Variants in ARFGEF1 observed in about 807,000 individuals in gnomAD.
ARFGEF1 encodes the protein brefeldin A-inhibited guanine nucleotide-exchange protein 1.
A neutral mutation model predicts 231.0 loss-of-function variants in ARFGEF1; 42 were observed. The ratio of observed to expected loss-of-function variants is 0.18; its 90% confidence interval spans 0.14 to 0.24. The LOEUF (loss-of-function observed/expected upper bound fraction) is 0.24, where lower values mean the gene tolerates loss of function less well. Ranked by LOEUF, ARFGEF1 falls within the 10% of genes least tolerant of loss-of-function variation. The probability of loss-of-function intolerance (pLI) is 1.00; values close to 1 mark genes in which losing one functional copy is unlikely to be tolerated. For synonymous variants in ARFGEF1, 710 were observed against 732.3 expected (o/e 0.97, Z 0.49); for missense variants, 1,345 against 2,192.0 (o/e 0.61, Z 7.72).
intron 1 of ARFGEF1, among the ~76,000 whole-genome samples, chr8:67,326,899 T>C (rs1807858583): frequency 6.6e-6 from 1 of 152,190 alleles, no homozygotes; most frequent in Non-Finnish European, 1.5e-5. Context: ...AGTTATTCTT[T>C]CATTTTGAGA....
At chr8:67,194,699 A>AAAG (rs201810184), downstream of ARFGEF1, among the ~76,000 whole-genome samples, 7,514 of 151,904 alleles carry the variant, frequency 0.049, 244 homozygotes, top group Non-Finnish European at 0.072. Context: ...AAAAAAAAAA[A>AAAG]AAGAATATGA....
chr8:67,271,587 G>C (rs1805103456), intron 10 of ARFGEF1, 115 bp downstream of exon 10: 1 of 768,740 alleles, frequency 1.3e-6, no homozygotes, highest in East Asian at 2.7e-5. Flanking sequence ...ATAAGTGCAT[G>C]GCAATATACA....
At chr8:67,183,264 G>A (rs902503658) in intron 5 of ARFGEF1, among the ~76,000 whole-genome samples, 1 of 152,206 alleles carries the variant, frequency 6.6e-6, no homozygotes, top group Non-Finnish European at 1.5e-5. Flanking sequence ...CAGTAAGGAC[G>A]TAGTTGAGTT....
intron 25 of ARFGEF1, 139 bp from the exon 26 acceptor site, chr8:67,227,737 G>C (rs2128872023): frequency 1.0e-6 from 1 of 955,692 alleles, no homozygotes; most frequent in East Asian, 2.7e-5. Flanking sequence ...CATTAAGTAT[G>C]CTAAAACTAT....
In ARFGEF1 at chr8:67,291,923, T is replaced by A. The variant is rs371033701; in HGVS notation, c.840A>T (p.Thr280=). The change falls in exon 6 of 39, where the codon ACA becomes ACT. Residue 280 remains threonine (T), a synonymous_variant. Coordinates refer to ENST00000262215, the MANE Select transcript of ARFGEF1 (RefSeq NM_006421.5). The stretch of plus-strand genomic sequence containing the variant: ...AAATATCAGATCCATTTTCAGGCTC[T>A]GTGTCATCCTGAAGACTTTTATCTA... ...NDVDKSLQDD[T]EPENGSDISS... is the part of the protein sequence containing the mutation. 1.2e-6 allele frequency: 2 copies of A among 1,613,896 alleles called. No homozygotes were observed. The highest frequency in any genetic ancestry group is 2.7e-5 in the African/African-American group (2 of 74,910).
At chr8:67,193,701 G>A (rs1415302359), downstream of ARFGEF1, 4 of 1,063,358 alleles carry the variant, frequency 3.8e-6, no homozygotes, top group East Asian at 2.5e-5. Flanking sequence ...TAGATGGAAT[G>A]AGTTTGAAGA....
chr8:67,280,494 A>G (rs961537582), intron 7 of ARFGEF1, among the ~76,000 whole-genome samples: 2 of 152,238 alleles, frequency 1.3e-5, no homozygotes, highest in African/African-American at 4.8e-5. Context: ...ATTATTTCCA[A>G]TTAAAGCCAT....
chr8:67,176,619 T>A (rs902710310), intron 5 of ARFGEF1, among the ~76,000 whole-genome samples: 1 of 152,166 alleles, frequency 6.6e-6, no homozygotes, highest in African/African-American at 2.4e-5. Flanking sequence ...AGTCTCAAAA[T>A]GAAGATCTGA....
chr8:67,281,328 G>A (rs1805527106), intron 7 of ARFGEF1, among the ~76,000 whole-genome samples: 1 of 151,686 alleles, frequency 6.6e-6, no homozygotes, highest in Non-Finnish European at 1.5e-5. Flanking sequence ...CTAAAATGAT[G>A]AAAAGTCATA....
At chr8:67,199,675 CAA>C (rs1305058110) in intron 38 of ARFGEF1, 5 of 139,094 alleles carry the variant, frequency 3.6e-5, no homozygotes, top group South Asian at 2.3e-4. Context: ...ATATTATGAC[CAA>C]AAAAAAAAAA....
intron 17 of ARFGEF1, among the ~76,000 whole-genome samples, chr8:67,257,223 G>T (rs566214085): frequency 6.6e-6 from 1 of 152,188 alleles, no homozygotes; most frequent in East Asian, 1.9e-4. Flanking sequence ...TGGGACCACA[G>T]GCACATGCCA....
intron 5 of ARFGEF1, among the ~76,000 whole-genome samples, chr8:67,187,679 G>C (rs1305791584): frequency 6.6e-6 from 1 of 152,054 alleles, no homozygotes; most frequent in Non-Finnish European, 1.5e-5. Context: ...GAAAGACCTT[G>C]TCTCAAAAAA....
At chr8:67,296,785 G>A (rs770986221) in intron 4 of ARFGEF1, among the ~76,000 whole-genome samples, 175 bp from the exon 5 acceptor site, 1 of 151,784 alleles carries the variant, frequency 6.6e-6, no homozygotes, top group Non-Finnish European at 1.5e-5. Context: ...TGAGTAGCTG[G>A]GACTACAGGT....
At chr8:67,310,982 G>A (rs1260762037) in intron 1 of ARFGEF1, among the ~76,000 whole-genome samples, 2 of 20,184 alleles carry the variant, frequency 9.9e-5, no homozygotes, top group Non-Finnish European at 2.2e-4. Context: ...CGGGAGGGAG[G>A]TTGGGGGGTC....
intron 37 of ARFGEF1, 113 bp downstream of exon 37, chr8:67,201,354 G>A: frequency 1.5e-6 from 2 of 1,321,630 alleles, no homozygotes; most frequent in Admixed American, 2.8e-5. Flanking sequence ...CTGTGGAATA[G>A]GGGCATCCAG....
chr8:67,285,500 G>C (rs1165599045), intron 7 of ARFGEF1, among the ~76,000 whole-genome samples: 1 of 152,078 alleles, frequency 6.6e-6, no homozygotes, highest in Non-Finnish European at 1.5e-5. Flanking sequence ...CTGGGTGACA[G>C]AGCAAGACCT....
intron 19 of ARFGEF1, among the ~76,000 whole-genome samples, chr8:67,241,785 T>G (rs1465144683): frequency 6.6e-6 from 1 of 152,058 alleles, no homozygotes; most frequent in Non-Finnish European, 1.5e-5. Flanking sequence ...TGGTTTTAAC[T>G]TGATATCACT....
chr8:67,215,832 T>C (rs1003165131), intron 33 of ARFGEF1, among the ~76,000 whole-genome samples: 2 of 152,188 alleles, frequency 1.3e-5, no homozygotes, highest in African/African-American at 4.8e-5. Flanking sequence ...ATGGTAGAAC[T>C]AGGAAACCAA....
intron 5 of ARFGEF1, chr8:67,177,761 T>C (rs1421789461): frequency 6.7e-7 from 1 of 1,499,062 alleles, no homozygotes; most frequent in Non-Finnish European, 9.3e-7. Flanking sequence ...AAGTTAGTTT[T>C]TGGGGGATTA....
Sources: gnomAD v4.1 joint callset for allele counts (sites outside exome capture counted in the v4.1 genomes callset) on GRCh38, gnomAD v4.1.1 for gene constraint, MANE v1.5 for transcripts, NCBI Gene and HGNC (gene_info 2026-07-23, HGNC 2026-07-21) for gene names.